FH: variants seen among roughly 807,000 people sequenced by gnomAD.
FH encodes fumarate hydratase, mitochondrial.
FH carries 22 observed loss-of-function variants against 49.4 expected under a neutral mutation model. The observed-to-expected ratio is 0.45, with a 90% confidence interval of 0.32 to 0.64. The LOEUF (loss-of-function observed/expected upper bound fraction) is 0.64. FH is among the 30% of genes least tolerant of loss of function. FH has a pLI of 0.05. For missense variants in FH, 526 were observed against 641.5 expected, an observed-to-expected ratio of 0.82 and a Z score of 1.95; for synonymous variants, 208 against 223.0, an observed-to-expected ratio of 0.93 and a Z score of 0.60.
chr1:241,513,764 G>A (rs182011688), intron 2 of FH, 51 bp from the exon 3 acceptor site: 23 of 1,474,894 alleles, frequency 1.6e-5, no homozygotes, highest in Non-Finnish European at 2.1e-5. Context: ...CTTAAGCATG[G>A]AAGTTTATTA....
At chr1:241,501,889 G>A (rs561996347) in intron 8 of FH, among the ~76,000 whole-genome samples, 22 of 152,324 alleles carry the variant, frequency 1.4e-4, no homozygotes, top group African/African-American at 4.6e-4. Context: ...TATGTGGAAA[G>A]GTAAAGCCAG....
At chr1:241,509,901 C>T (rs765270950) in intron 4 of FH, among the ~76,000 whole-genome samples, 23 of 151,926 alleles carry the variant, frequency 1.5e-4, no homozygotes, top group Non-Finnish European at 2.1e-4. Context: ...TTGACGTTTA[C>T]TATGCAAAAT....
intron 2 of FH, among the ~76,000 whole-genome samples, chr1:241,515,059 G>A (rs1294836346): frequency 1.3e-5 from 2 of 152,168 alleles, no homozygotes; most frequent in Non-Finnish European, 2.9e-5. Context: ...TATCACTAGA[G>A]AGAAAAGACA....
rs587782215 is a variant in FH, at chr1:241,508,761, C to T, written c.580G>A (p.Ala194Thr). The T allele has an allele frequency of 3.8e-5, 62 of 1,613,666 alleles. No homozygotes were observed. In the Middle Eastern group the frequency reaches 1.5e-3, roughly 39 times the overall value. ...TCTATTGCAGCAGCAATGTGCATTGCTGTGGGAAAAGTATCATTTGAGCTC... is the reference window on the plus strand; with the variant it reads ...TCTATTGCAGCAGCAATGTGCATTGTTGTGGGAAAAGTATCATTTGAGCTC... ...SQSSNDTFPT[A>T]MHIAAAIEVH... Residue 194 changes from alanine to threonine, a missense_variant, in exon 5 of 10, where the codon GCA (alanine) becomes ACA (threonine). Transcript: ENST00000366560.
At chr1:241,511,033 C>A (rs12563264) in intron 4 of FH, among the ~76,000 whole-genome samples, 41,673 of 151,996 alleles carry the variant, frequency 0.27, 6,763 homozygotes, top group Non-Finnish European at 0.37. Context: ...TCAGACACAC[C>A]AGAATTGAGG....
At chr1:241,505,926 G>T in intron 6 of FH, 77 bp downstream of exon 6, 1 of 1,317,460 alleles carries the variant, frequency 7.6e-7, no homozygotes. Flanking sequence ...AAGAATTCAA[G>T]ACAGGAACAC....
intron 5 of FH, 114 bp from the exon 6 acceptor site, chr1:241,506,282 AGC>A: frequency 1.3e-6 from 1 of 789,414 alleles, no homozygotes; most frequent in East Asian, 2.7e-5. Flanking sequence ...CTAAATTACA[AGC>A]TAATCAAGTT....
intron 5 of FH, among the ~76,000 whole-genome samples, chr1:241,507,083 G>A (rs1294598387): frequency 6.6e-6 from 1 of 152,080 alleles, no homozygotes; most frequent in Non-Finnish European, 1.5e-5. Context: ...ATACAGTCAC[G>A]CACCACATAA....
At chr1:241,513,389 A>G (rs548842987) in intron 3 of FH, among the ~76,000 whole-genome samples, 1 of 152,246 alleles carries the variant, frequency 6.6e-6, no homozygotes, top group Admixed American at 6.5e-5. Flanking sequence ...AAAGGCTTAA[A>G]AACAAAAGGT....
At chr1:241,501,910 G>A (rs529687750) in intron 8 of FH, among the ~76,000 whole-genome samples, 3 of 152,328 alleles carry the variant, frequency 2.0e-5, no homozygotes, top group East Asian at 1.9e-4. Context: ...ACAATGAAAC[G>A]AAGTCTGACA....
intron 2 of FH, among the ~76,000 whole-genome samples, chr1:241,515,632 A>G (rs1365028979): frequency 1.3e-5 from 2 of 152,232 alleles, no homozygotes; most frequent in Non-Finnish European, 2.9e-5. Flanking sequence ...TATTGAAAAT[A>G]AAAGCATATT....
In FH at chr1:241,519,671, G is replaced by A; in HGVS notation, c.52C>T (p.Pro18Ser). The part of the protein sequence containing the change: ...LARSRPLVRA[P>S]AAALASAPGL... ...GGAGCCGAAGCTAAGGCTGCGGCTG[G>A]AGCCCGCACGAGGGGACGCGAGCGC... is the stretch of plus-strand genomic sequence containing the variant. Residue 18 changes from proline (P) to serine (S), a missense_variant, in exon 1 of 10, where the codon CCA becomes TCA. Transcript: ENST00000366560. 1 of 1,547,704 alleles carries A rather than the reference G, an allele frequency of 6.5e-7. No homozygotes were observed. Among genetic ancestry groups the A allele is most frequent in the African/African-American group, 1.4e-5 (1 of 73,048 alleles).
Position 241,506,167 on chromosome 1 carries a change from T to A in FH, c.740A>T (p.Glu247Val), listed in dbSNP as rs201223034. The A allele has an allele frequency of 1.9e-6, 3 of 1,610,930 alleles. No homozygotes were observed. The highest frequency in any genetic ancestry group is 2.5e-6 in the Non-Finnish European group (3 of 1,177,536). ...QDAVPLTLGQ[E>V]FSGYVQQVKY... ...TACTTGTTGAACATAACCACTAAAT[T>A]CCTGAAAAGAAAAGAAAATTAAGGT... Residue 247 changes from glutamate (E) to valine (V), a missense_variant and splice_region_variant, in exon 6 of 10, where the codon GAA becomes GTA. By Grantham distance (121) the Glu-to-Val change is moderately radical. This residue lies in a region of FH where 383 missense variants were observed against 514.0 expected (regional missense o/e 0.75). Transcript: ENST00000366560.
intron 4 of FH, among the ~76,000 whole-genome samples, chr1:241,509,244 T>C (rs1485765816): frequency 2.6e-5 from 4 of 151,970 alleles, no homozygotes; most frequent in African/African-American, 2.4e-5. Flanking sequence ...TATATTCTTA[T>C]AAAATCTTAT....
chr1:241,512,289 T>C (rs948864967), intron 3 of FH, 146 bp from the exon 4 acceptor site: 4 of 667,722 alleles, frequency 6.0e-6, no homozygotes, highest in Non-Finnish European at 7.7e-6. Flanking sequence ...AGTGAAATAT[T>C]ATCTATAGTG....
At chr1:241,515,649 A>G (rs1204931150) in intron 2 of FH, among the ~76,000 whole-genome samples, 4 of 152,242 alleles carry the variant, frequency 2.6e-5, no homozygotes, top group Non-Finnish European at 4.4e-5. Context: ...TATTTATAAG[A>G]TAAGTGTTAA....
intron 2 of FH, among the ~76,000 whole-genome samples, chr1:241,514,089 C>A (rs1660159682): frequency 6.6e-6 from 1 of 152,102 alleles, no homozygotes; most frequent in Admixed American, 6.5e-5. Context: ...AGTACTCAAT[C>A]TTTTCACCAG....
chr1:241,504,386 A>AT, intron 6 of FH, 141 bp from the exon 7 acceptor site: 1 of 771,628 alleles, frequency 1.3e-6, no homozygotes, highest in Admixed American at 2.6e-5. Context: ...TAAGACTCAA[A>AT]TTTTGTCTAC....
intron 9 of FH, among the ~76,000 whole-genome samples, chr1:241,500,108 C>A (rs1659732216): frequency 1.3e-5 from 2 of 152,066 alleles, no homozygotes; most frequent in African/African-American, 4.8e-5. Flanking sequence ...GTGACATTAC[C>A]CACTGAAGGT....
Sources: allele counts gnomAD v4.1 joint callset (sites outside exome capture counted in the v4.1 genomes callset), GRCh38; gene constraint gnomAD v4.1.1; regional missense constraint gnomAD v4.1.1; transcripts MANE v1.5; gene names NCBI Gene and HGNC (gene_info 2026-07-23, HGNC 2026-07-21).